Variants in PPM1H observed in about 807,000 individuals in gnomAD.
PPM1H encodes protein phosphatase, Mg2+/Mn2+ dependent 1H.
In PPM1H, 27 loss-of-function variants were observed where a neutral mutation model predicts 54.9. The observed-to-expected ratio is 0.49, with a 90% confidence interval of 0.36 to 0.68. The LOEUF is 0.68. PPM1H is among the 30% of genes least tolerant of loss of function. PPM1H has a pLI of 0.00. For missense variants in PPM1H, 596 were observed against 667.8 expected (o/e 0.89, Z 1.19); for synonymous variants, 305 against 270.8 (o/e 1.13, Z -1.24).
chr12:62,674,022 C>T (rs1457882468), intron 8 of PPM1H, among the ~76,000 whole-genome samples: 1 of 151,964 alleles, frequency 6.6e-6, no homozygotes, highest in African/African-American at 2.4e-5. Flanking sequence ...TGGCCTAGCG[C>T]TCAATTTTCC....
chr12:62,669,103 T>A (rs1327468276), intron 8 of PPM1H, among the ~76,000 whole-genome samples: 1 of 152,244 alleles, frequency 6.6e-6, no homozygotes, highest in Admixed American at 6.5e-5. Context: ...TAACATCTTC[T>A]TTCCAAAAGG....
chr12:62,652,451 TAAG>T (rs2075821662), intron 9 of PPM1H, among the ~76,000 whole-genome samples: 1 of 152,226 alleles, frequency 6.6e-6, no homozygotes, highest in African/African-American at 2.4e-5. Flanking sequence ...ATATAGTCAC[TAAG>T]ATGATAATTT....
At chr12:62,842,734 TAG>T (rs1242837545) in intron 1 of PPM1H, among the ~76,000 whole-genome samples, 8 of 152,156 alleles carry the variant, frequency 5.3e-5, no homozygotes, top group African/African-American at 1.9e-4. Flanking sequence ...CACCTTCACA[TAG>T]GAGGCCACTC....
At position 62,736,797 on chromosome 12, in the gene PPM1H, A is replaced by T. The variant is rs964703810; in HGVS notation, c.954+705T>A. 7.2e-5 allele frequency among the ~76,000 whole-genome samples: 11 copies of T among 152,192 alleles called. 1 individual carries two copies. The highest frequency in any genetic ancestry group is 7.2e-4 in the Admixed American group (11 of 15,278). Reference sequence around the variant, plus strand: ...TATGATTCACAGGGTTAGTTCCTAGAGGTATCTGCCCCAAGGCCACCTGGG... The same window carrying T: ...TATGATTCACAGGGTTAGTTCCTAGTGGTATCTGCCCCAAGGCCACCTGGG... On this transcript the variant is annotated intron_variant, in intron 5 of 9. Coordinates refer to ENST00000228705, the MANE Select transcript of PPM1H (RefSeq NM_020700.2).
At chr12:62,918,336 T>C (rs969835153) in intron 1 of PPM1H, among the ~76,000 whole-genome samples, 3 of 152,206 alleles carry the variant, frequency 2.0e-5, no homozygotes, top group Admixed American at 2.0e-4. Flanking sequence ...CTCCCAAGGT[T>C]AAAACCTCTG....
At chr12:62,890,753 C>CAT (rs1870764770) in intron 1 of PPM1H, among the ~76,000 whole-genome samples, 1 of 137,560 alleles carries the variant, frequency 7.3e-6, no homozygotes, top group African/African-American at 3.1e-5. Flanking sequence ...CACACACACA[C>CAT]ACATATATAT....
chr12:62,933,552 G>A (rs1369638151), intron 1 of PPM1H, among the ~76,000 whole-genome samples: 3 of 152,140 alleles, frequency 2.0e-5, no homozygotes, highest in Admixed American at 6.5e-5. Context: ...TGCACTCCCT[G>A]GTTCATTAAT....
chr12:62,912,610 A>G (rs1565827202), intron 1 of PPM1H, among the ~76,000 whole-genome samples: 1 of 152,316 alleles, frequency 6.6e-6, no homozygotes, highest in East Asian at 1.9e-4. Flanking sequence ...GATATCCCAG[A>G]AGGTAAGTCT....
intron 1 of PPM1H, among the ~76,000 whole-genome samples, chr12:62,852,813 C>T (rs1415274147): frequency 1.3e-5 from 2 of 152,150 alleles, no homozygotes; most frequent in Admixed American, 6.5e-5. Flanking sequence ...AGTGGGATGA[C>T]CCGGCACTGC....
chr12:62,779,554 T>C (rs2076629736), intron 4 of PPM1H, among the ~76,000 whole-genome samples: 1 of 152,230 alleles, frequency 6.6e-6, no homozygotes, highest in Non-Finnish European at 1.5e-5. Flanking sequence ...CCTGGCTCTG[T>C]GCTGAAGGCC....
At chr12:62,830,682 A>C (rs1045568105) in intron 2 of PPM1H, among the ~76,000 whole-genome samples, 1 of 152,132 alleles carries the variant, frequency 6.6e-6, no homozygotes, top group Admixed American at 6.5e-5. Context: ...TCACCATTCT[A>C]TACTGCCCAT....
In PPM1H at chr12:62,821,851, A is replaced by C. The variant is rs139734642; in HGVS notation, c.411+10263T>G. Among the ~76,000 whole-genome samples the C allele has an allele frequency of 4.1e-3, 620 of 152,328 alleles. 3 individuals are homozygous for C. Among genetic ancestry groups the C allele is most frequent in the Non-Finnish European group, 6.3e-3 (427 of 68,038 alleles). ...TTCGGTGCTAGGAAGAAACTGCATCAACTAATGGGCAAAATAACCAGCTAA... is the reference window on the plus strand; with the variant it reads ...TTCGGTGCTAGGAAGAAACTGCATCCACTAATGGGCAAAATAACCAGCTAA... On this transcript the variant is annotated intron_variant, in intron 2 of 9. Coordinates refer to ENST00000228705, the MANE Select transcript of PPM1H (RefSeq NM_020700.2).
At chr12:62,840,273 A>G (rs1482299938) in intron 1 of PPM1H, 2 of 152,172 alleles carry the variant, frequency 1.3e-5, no homozygotes, top group African/African-American at 4.8e-5. Context: ...GAGACAAAGC[A>G]GCTCTCTGGG....
chr12:62,817,202 C>A (rs1262564527), intron 2 of PPM1H, among the ~76,000 whole-genome samples: 2 of 141,594 alleles, frequency 1.4e-5, no homozygotes, highest in East Asian at 4.1e-4. Context: ...GTGGTTCATG[C>A]CTATTATCCC....
At chr12:62,861,302 T>C (rs951586414) in intron 1 of PPM1H, among the ~76,000 whole-genome samples, 5 of 152,164 alleles carry the variant, frequency 3.3e-5, no homozygotes, top group African/African-American at 1.2e-4. Context: ...TCTCAGCAAA[T>C]GCCGGCTAGC....
chr12:62,764,420 T>C (rs2076529001), intron 4 of PPM1H, among the ~76,000 whole-genome samples: 1 of 152,202 alleles, frequency 6.6e-6, no homozygotes, highest in Non-Finnish European at 1.5e-5. Context: ...GTAACAGCTA[T>C]TCTGAATAAA....
rs1421139508 is a variant in PPM1H at position 62,907,757 on chromosome 12, A to T, written c.245+26735T>A. ...ATCCTAAGTTTTCTACTAGTCACAC[A>T]CGTGTGACAAGCTCTCCATACCAGC... On this transcript the variant is annotated intron_variant, in intron 1 of 9. Transcript: ENST00000228705. 3.3e-5 allele frequency among the ~76,000 whole-genome samples: 5 copies of T among 152,264 alleles called. No individual in the cohort carries two copies. The East Asian group carries it at 9.7e-4, about 30-fold the overall frequency.
In PPM1H at chr12:62,644,640, CG is replaced by C. The variant is rs2136585717; in HGVS notation, c.*3848del. The C allele has an allele frequency of 2.0e-5, 3 of 152,366 alleles. No individual in the cohort carries two copies. Among genetic ancestry groups the C allele is most frequent in the Admixed American group, 6.5e-5 (1 of 15,312 alleles). The allele number at this position is 152,366 out of a possible 1,614,324, so 9.4% of individuals were successfully genotyped here. A position where few individuals can be genotyped will look rare whatever the true frequency, so the allele number is the denominator to read the frequency against. On this transcript the variant is annotated 3_prime_UTR_variant, in exon 10 of 10. Transcript: ENST00000228705. ...CAGAAGAGGCAAGTCAGTCTGCTCG[CG>C]TAGCGTCCTTTGAAAAATCCCAGTG...
intron 5 of PPM1H, among the ~76,000 whole-genome samples, chr12:62,733,107 G>A (rs530113107): frequency 6.6e-6 from 1 of 152,266 alleles, no homozygotes; most frequent in African/African-American, 2.4e-5. Flanking sequence ...CTAAAAGGAA[G>A]TATTGCTACC....
Sources: allele counts gnomAD v4.1 joint callset (sites outside exome capture counted in the v4.1 genomes callset), GRCh38; gene constraint gnomAD v4.1.1; transcripts MANE v1.5; gene names NCBI Gene and HGNC (gene_info 2026-07-23, HGNC 2026-07-21).